Variants in TTBK2 observed in about 807,000 individuals in gnomAD.
TTBK2 encodes the protein tau-tubulin kinase 2.
Under a neutral mutation model 110.8 loss-of-function variants are expected in TTBK2, and 28 were observed. That is an observed-to-expected ratio of 0.25 (90% CI 0.19 to 0.35). The LOEUF (loss-of-function observed/expected upper bound fraction) is 0.35. Ranked by LOEUF, TTBK2 falls within the 10% of genes least tolerant of loss-of-function variation. The pLI is 1.00. For synonymous variants in TTBK2, 532 were observed against 527.3 expected (o/e 1.01, Z -0.12); for missense variants, 1,369 against 1,500.3 (o/e 0.91, Z 1.45).
intron 3 of TTBK2, chr15:42,855,211 A>AT (rs1001834704): frequency 1.3e-5 from 2 of 152,002 alleles, no homozygotes; most frequent in Non-Finnish European, 2.9e-5. Context: ...CTGAAAATTT[A>AT]TTTTTTTAAG....
In TTBK2 at chr15:42,827,979, A is replaced by T. The variant is rs914343432; in HGVS notation, c.486T>A (p.Leu162=). Residue 162 remains leucine, a synonymous_variant, in exon 6 of 15, where the codon CTT becomes CTA. Transcript: ENST00000267890. ...FPSTCRKCYM[L]DFGLARQFTN... is the part of the protein sequence containing the mutation. The stretch of plus-strand genomic sequence containing the variant: ...TAAATTGTCGAGCCAAGCCAAAATC[A>T]AGCATGTAACATTTCCTACATGTAC... The T allele has an allele frequency of 4.3e-6, 7 of 1,613,612 alleles. No homozygotes were observed. The highest frequency in any genetic ancestry group is 5.9e-6 in the Non-Finnish European group (7 of 1,179,814).
chr15:42,845,225 G>A (rs959146145), intron 3 of TTBK2, among the ~76,000 whole-genome samples: 6 of 152,156 alleles, frequency 3.9e-5, no homozygotes, highest in Non-Finnish European at 7.3e-5. Flanking sequence ...AAGGTGGGCT[G>A]AGGTGGGAAG....
intron 1 of TTBK2, among the ~76,000 whole-genome samples, chr15:42,885,778 C>A (rs923358448): frequency 6.6e-6 from 1 of 152,082 alleles, no homozygotes; most frequent in Non-Finnish European, 1.5e-5. Flanking sequence ...TCACTATGGG[C>A]AACCTTCCAC....
chr15:42,883,569 C>T (rs541213636), intron 1 of TTBK2, among the ~76,000 whole-genome samples: 16 of 150,936 alleles, frequency 1.1e-4, no homozygotes, highest in South Asian at 1.0e-3. Flanking sequence ...CTATAGCAAC[C>T]GCTTTAAAAA....
chr15:42,772,243 G>C (rs1349224432), intron 13 of TTBK2, among the ~76,000 whole-genome samples: 3 of 151,808 alleles, frequency 2.0e-5, no homozygotes, highest in Non-Finnish European at 4.4e-5. Flanking sequence ...CCCCATTTCT[G>C]TCTCTCTCAC....
At chr15:42,851,309 G>T (rs1224490132) in intron 3 of TTBK2, among the ~76,000 whole-genome samples, 1 of 151,798 alleles carries the variant, frequency 6.6e-6, no homozygotes, top group Non-Finnish European at 1.5e-5. Context: ...AGCACTCTGG[G>T]TATAAGCCCA....
chr15:42,789,795 G>C (rs1311711463), intron 10 of TTBK2, among the ~76,000 whole-genome samples: 1 of 150,552 alleles, frequency 6.6e-6, no homozygotes, highest in Non-Finnish European at 1.5e-5. Context: ...GTGTGTGTAA[G>C]TATTTATACA....
intron 13 of TTBK2, among the ~76,000 whole-genome samples, chr15:42,768,959 C>T (rs1488539527): frequency 1.3e-5 from 2 of 152,132 alleles, no homozygotes; most frequent in Admixed American, 6.6e-5. Flanking sequence ...TAACACCACA[C>T]ATCTACAACC....
At chr15:42,818,960 A>G (rs1892167635) in intron 6 of TTBK2, among the ~76,000 whole-genome samples, 1 of 150,404 alleles carries the variant, frequency 6.6e-6, no homozygotes, top group Non-Finnish European at 1.5e-5. Context: ...ACAAACAAAC[A>G]TTGTCTCCAT....
At chr15:42,807,400 A>G (rs1176877512) in intron 9 of TTBK2, among the ~76,000 whole-genome samples, 1 of 151,042 alleles carries the variant, frequency 6.6e-6, no homozygotes, top group African/African-American at 2.5e-5. Flanking sequence ...GGATCACGTG[A>G]TCCTATTATT....
At chr15:42,812,906 C>A (rs1202192811) in intron 7 of TTBK2, among the ~76,000 whole-genome samples, 2 of 151,218 alleles carry the variant, frequency 1.3e-5, no homozygotes, top group African/African-American at 2.4e-5. Context: ...AATTGGAAAA[C>A]AGATATGAAG....
chr15:42,845,894 T>C (rs1054018540), intron 3 of TTBK2, among the ~76,000 whole-genome samples: 1 of 152,160 alleles, frequency 6.6e-6, no homozygotes, highest in Non-Finnish European at 1.5e-5. Flanking sequence ...TGTTACTGTA[T>C]TGCATACTAT....
chr15:42,787,347 G>T (rs1212422395), intron 10 of TTBK2, among the ~76,000 whole-genome samples: 2 of 152,122 alleles, frequency 1.3e-5, no homozygotes, highest in African/African-American at 4.8e-5. Flanking sequence ...GAAATTCAGG[G>T]TTCTGGGACA....
At chr15:42,787,334 G>A (rs1033509533) in intron 10 of TTBK2, among the ~76,000 whole-genome samples, 3 of 152,040 alleles carry the variant, frequency 2.0e-5, no homozygotes, top group East Asian at 1.9e-4. Flanking sequence ...CTCCCTCTAC[G>A]AAGAAATTCA....
chr15:42,851,558 CAGCATATAT>C (rs1893713823), intron 3 of TTBK2, among the ~76,000 whole-genome samples: 1 of 152,032 alleles, frequency 6.6e-6, no homozygotes, highest in African/African-American at 2.4e-5. Context: ...AGTTGCAGAA[CAGCATATAT>C]AGTTTGATTC....
chr15:42,745,704 A>G lies in TTBK2; in HGVS notation c.*91T>C. 6.9e-7 allele frequency: 1 copy of G among 1,458,562 alleles called. No homozygotes were observed. Among genetic ancestry groups the G allele is most frequent in the Non-Finnish European group, 9.6e-7 (1 of 1,040,792 alleles). 90.4% of individuals were successfully genotyped at this position (1,458,562 alleles called of 1,614,324 possible). On this transcript the variant is annotated 3_prime_UTR_variant, in exon 15 of 15. Transcript: ENST00000267890. ...CTTTCTTTTGCAAGAGAAGATCAAC[A>G]CTGATTTTTTTACATAGAAAGTACA...
chr15:42,870,237 G>A (rs1360770428), intron 3 of TTBK2, among the ~76,000 whole-genome samples: 3 of 152,030 alleles, frequency 2.0e-5, no homozygotes, highest in African/African-American at 7.2e-5. Context: ...AGAATTGCAG[G>A]TTACATCCAG....
chr15:42,797,941 T>A (rs1012230885), intron 9 of TTBK2, among the ~76,000 whole-genome samples: 1 of 152,118 alleles, frequency 6.6e-6, no homozygotes, highest in African/African-American at 2.4e-5. Context: ...TGGAGTGCAA[T>A]GGTGCGATCT....
chr15:42,915,289 C>A (rs2141220678), intron 1 of TTBK2, among the ~76,000 whole-genome samples: 1 of 152,362 alleles, frequency 6.6e-6, no homozygotes, highest in Non-Finnish European at 1.5e-5. Context: ...ACCGTCTGTG[C>A]TGTTTGTCAC....
Sources: gnomAD v4.1 joint callset for allele counts (sites outside exome capture counted in the v4.1 genomes callset) on GRCh38, gnomAD v4.1.1 for gene constraint, MANE v1.5 for transcripts, NCBI Gene and HGNC (gene_info 2026-07-23, HGNC 2026-07-21) for gene names.